Variants in SEMA6D observed in about 807,000 individuals in gnomAD.
SEMA6D encodes semaphorin-6D.
In SEMA6D, 35 loss-of-function variants were observed where a neutral mutation model predicts 106.6. The observed-to-expected ratio is 0.33, with a 90% CI of 0.25 to 0.44. The LOEUF (loss-of-function observed/expected upper bound fraction) is 0.44. SEMA6D is among the 20% of genes least tolerant of loss of function. The pLI is 1.00. For synonymous variants in SEMA6D, 499 were observed against 487.7 expected, an observed-to-expected ratio of 1.02 and a Z score of -0.31; for missense variants, 1,185 against 1,345.9, an observed-to-expected ratio of 0.88 and a Z score of 1.87.
intron 1 of SEMA6D, among the ~76,000 whole-genome samples, chr15:47,201,866 C>T (rs1239520939): frequency 6.6e-6 from 1 of 152,028 alleles, no homozygotes; most frequent in Non-Finnish European, 1.5e-5. Context: ...CATACTTTGC[C>T]CAGCCCAGAC....
chr15:47,287,680 G>C (rs909289060), intron 1 of SEMA6D, among the ~76,000 whole-genome samples: 9 of 152,126 alleles, frequency 5.9e-5, no homozygotes, highest in Non-Finnish European at 1.0e-4. Context: ...AATGACACCA[G>C]CATTCTCTGA....
intron 3 of SEMA6D, 42 bp downstream of exon 3, chr15:47,760,457 C>T (rs2081998797): frequency 6.8e-7 from 1 of 1,477,494 alleles, no homozygotes; most frequent in African/African-American, 1.4e-5. Flanking sequence ...AAATTCTTTT[C>T]TCTTGTGGTG....
chr15:47,280,234 C>A (rs1472203618), intron 1 of SEMA6D, among the ~76,000 whole-genome samples: 1 of 152,096 alleles, frequency 6.6e-6, no homozygotes, highest in African/African-American at 2.4e-5. Context: ...AGAGATTCAA[C>A]TTCTTCCTGG....
chr15:47,238,793 A>G (rs2032722118), intron 1 of SEMA6D, among the ~76,000 whole-genome samples: 1 of 152,148 alleles, frequency 6.6e-6, no homozygotes, highest in Admixed American at 6.6e-5. Context: ...AGTGGCCGAC[A>G]AGTCATCTGA....
At chr15:47,453,438 T>C (rs981169516) in intron 2 of SEMA6D, among the ~76,000 whole-genome samples, 1 of 152,006 alleles carries the variant, frequency 6.6e-6, no homozygotes, top group Non-Finnish European at 1.5e-5. Context: ...TGACAACAGC[T>C]ATTAAAATGA....
intron 1 of SEMA6D, among the ~76,000 whole-genome samples, chr15:47,271,341 G>A (rs2034556668): frequency 1.3e-5 from 2 of 152,190 alleles, no homozygotes; most frequent in Admixed American, 6.5e-5. Flanking sequence ...GAGCCGTGCG[G>A]AAGGACAGGG....
At chr15:47,459,440 G>C (rs917908270) in intron 2 of SEMA6D, among the ~76,000 whole-genome samples, 8 of 152,046 alleles carry the variant, frequency 5.3e-5, no homozygotes, top group African/African-American at 1.9e-4. Flanking sequence ...ATATTTTGTA[G>C]ACTGACTTGC....
intron 4 of SEMA6D, among the ~76,000 whole-genome samples, chr15:47,611,628 G>GA (rs1738998672): frequency 6.6e-6 from 1 of 152,116 alleles, no homozygotes; most frequent in South Asian, 2.1e-4. Flanking sequence ...ATTTGATAAA[G>GA]AAAAAATGTG....
rs147731519 is a variant in SEMA6D at position 47,434,672 on chromosome 15, C to G, written c.-159+22200C>G. Among the ~76,000 whole-genome samples the G allele has an allele frequency of 7.9e-5, 12 of 152,220 alleles. No individual in the cohort carries two copies. In the East Asian group the frequency reaches 2.3e-3, roughly 29 times the overall value. The stretch of plus-strand genomic sequence containing the variant: ...TGATCCAATTTTGTATCCTACACAG[C>G]ACATAAATAATGTCTAGTACATAGA... On this transcript the variant is annotated intron_variant, in intron 2 of 19. Coordinates refer to the SEMA6D transcript ENST00000558014.
chr15:47,558,197 A>G (rs1314224653), intron 3 of SEMA6D, among the ~76,000 whole-genome samples: 1 of 152,146 alleles, frequency 6.6e-6, no homozygotes. Flanking sequence ...TATACTGTCT[A>G]TATTCTATCA....
At chr15:47,524,853 C>T (rs560353611) in intron 3 of SEMA6D, among the ~76,000 whole-genome samples, 2 of 152,180 alleles carry the variant, frequency 1.3e-5, no homozygotes, top group East Asian at 1.9e-4. Context: ...GACCAGCAAT[C>T]GTAGGAGGTA....
At chr15:47,439,403 T>C (rs2140736334) in intron 2 of SEMA6D, among the ~76,000 whole-genome samples, 1 of 152,262 alleles carries the variant, frequency 6.6e-6, no homozygotes, top group East Asian at 1.9e-4. Context: ...CAAGATTCTA[T>C]ACTTCTGTTT....
chr15:47,656,625 A>G (rs2077800297), intron 4 of SEMA6D, among the ~76,000 whole-genome samples: 1 of 152,226 alleles, frequency 6.6e-6, no homozygotes, highest in South Asian at 2.1e-4. Flanking sequence ...AGCCTCTGGA[A>G]TGGCTAGGCT....
rs2082697397 is a variant in SEMA6D at position 47,772,948 on chromosome 15, T to TA, written c.*1168dup. On this transcript the variant is annotated 3_prime_UTR_variant, in exon 19 of 19. Coordinates refer to ENST00000536845, the MANE Select transcript of SEMA6D (RefSeq NM_001358351.3). Reference sequence around the variant, plus strand: ...TAATTGGCTTAACAGAAACAGTCTGTAAAAACCTAACAGTGGTGCAATCAT... The same window carrying TA: ...TAATTGGCTTAACAGAAACAGTCTGTAAAAAACCTAACAGTGGTGCAATCAT... 1 of 152,432 alleles carries TA rather than the reference T, an allele frequency of 6.6e-6. No individual in the cohort carries two copies. The highest frequency in any genetic ancestry group is 1.5e-5 in the Non-Finnish European group (1 of 68,024). 9.4% of individuals were successfully genotyped at this position (152,432 alleles called of 1,614,324 possible).
chr15:47,458,255 G>A (rs568004610), intron 2 of SEMA6D, among the ~76,000 whole-genome samples: 52 of 151,456 alleles, frequency 3.4e-4, no homozygotes, highest in Non-Finnish European at 6.5e-4. Context: ...CCATATATGC[G>A]GTAGTATGAG....
At chr15:47,384,304 TATTCAC>T (rs1315555621) in intron 1 of SEMA6D, among the ~76,000 whole-genome samples, 1 of 152,262 alleles carries the variant, frequency 6.6e-6, no homozygotes, top group Non-Finnish European at 1.5e-5. Flanking sequence ...TTCTAGCGCC[TATTCAC>T]TAGGCAGTCT....
intron 1 of SEMA6D, among the ~76,000 whole-genome samples, chr15:47,277,827 T>C (rs1282009188): frequency 6.7e-6 from 1 of 149,810 alleles, no homozygotes; most frequent in Non-Finnish European, 1.5e-5. Context: ...GTGTTCTCAT[T>C]GTTCAATTCC....
chr15:47,696,962 A>G (rs955845), intron 4 of SEMA6D, among the ~76,000 whole-genome samples: 45,317 of 152,118 alleles, frequency 0.3, 8,457 homozygotes, highest in Middle Eastern at 0.45. Flanking sequence ...GGTTGTTGTC[A>G]TCTTCATTAT....
chr15:47,520,420 A>G (rs772168605), intron 3 of SEMA6D, among the ~76,000 whole-genome samples: 17 of 152,170 alleles, frequency 1.1e-4, no homozygotes, highest in African/African-American at 1.9e-4. Flanking sequence ...CCACATCGCA[A>G]TTTCTCAACA....
Sources: allele counts gnomAD v4.1 joint callset (sites outside exome capture counted in the v4.1 genomes callset), GRCh38; gene constraint gnomAD v4.1.1; transcripts MANE v1.5; gene names NCBI Gene and HGNC (gene_info 2026-07-23, HGNC 2026-07-21).